Variants in SATB1 observed in about 807,000 individuals in gnomAD.
SATB1 encodes the protein SATB homeobox 1.
In SATB1, 11 loss-of-function variants were observed where a neutral mutation model predicts 86.9. That is an observed-to-expected ratio of 0.13 (90% CI 0.08 to 0.21). The LOEUF (loss-of-function observed/expected upper bound fraction) is 0.21. Ranked by LOEUF, SATB1 falls within the 10% of genes least tolerant of loss-of-function variation. The pLI, the probability that SATB1 is intolerant of heterozygous loss-of-function variation, is 1.00. For missense variants in SATB1, 551 were observed against 937.6 expected, an observed-to-expected ratio of 0.59 and a Z score of 5.39; for synonymous variants, 357 against 357.2, an observed-to-expected ratio of 1.00 and a Z score of 0.01.
intron 8 of SATB1, among the ~76,000 whole-genome samples, chr3:18,385,820 C>T (rs1013326319): frequency 5.3e-5 from 8 of 152,016 alleles, no homozygotes; most frequent in Non-Finnish European, 8.8e-5. Context: ...AACTTTCTTT[C>T]CTAAAAAGTC....
At chr3:18,370,538 AGG>A (rs142402029) in intron 9 of SATB1, among the ~76,000 whole-genome samples, 82 of 124,142 alleles carry the variant, frequency 6.6e-4, no homozygotes, top group Admixed American at 8.0e-4. Context: ...AAAAAAAAAG[AGG>A]AAAAACAAAA....
chr3:18,372,900 C>T (rs1243482700), intron 9 of SATB1, among the ~76,000 whole-genome samples: 1 of 152,168 alleles, frequency 6.6e-6, no homozygotes, highest in Admixed American at 6.5e-5. Context: ...CTGATGAACT[C>T]CACATCCTTC....
rs567107935 is a variant in SATB1, at chr3:18,444,428, G to C, written c.-25+1090C>G. ...ACCCCTCCAAGGTCCGTCTGCGTGAGAAAAGGGGCTCGGAAGACCGTTGAA... is the reference window on the plus strand; with the variant it reads ...ACCCCTCCAAGGTCCGTCTGCGTGACAAAAGGGGCTCGGAAGACCGTTGAA... On this transcript the variant is annotated intron_variant, in intron 1 of 3. Coordinates refer to the SATB1 transcript ENST00000415069. This position sits in a 1 kb window ranked among gnomAD's most constrained non-coding sequence, Gnocchi z 5.1. Among the ~76,000 whole-genome samples, 4 of 152,232 alleles carry C rather than the reference G, an allele frequency of 2.6e-5. No individual in the cohort carries two copies. In the East Asian group the frequency reaches 7.8e-4, roughly 30 times the overall value.
upstream of SATB1, among the ~76,000 whole-genome samples, chr3:18,428,069 T>C (rs1323045863): frequency 6.6e-6 from 1 of 152,216 alleles, no homozygotes; most frequent in African/African-American, 2.4e-5. Flanking sequence ...CTTAGTCTGT[T>C]TTCTGTTCCT....
Position 18,349,618 on chromosome 3 carries a change from T to G in SATB1, c.1844A>C (p.Gln615Pro), listed in dbSNP as rs1405147698. 6.2e-7 allele frequency: 1 copy of G among 1,613,348 alleles called. No homozygotes were observed. The highest frequency in any genetic ancestry group is 8.5e-7 in the Non-Finnish European group (1 of 1,179,964). Residue 615 changes from glutamine (Q) to proline (P), a missense_variant, in exon 11 of 11, where the codon CAG (glutamine) becomes CCG (proline). Gln to Pro is a moderately conservative substitution (Grantham distance 76). This residue lies in a region of SATB1 where 87 missense variants were observed against 103.6 expected (regional missense o/e 0.84). Coordinates refer to ENST00000338745, the MANE Select transcript of SATB1 (RefSeq NM_002971.6). The surrounding 1 kb of genome is among the most constrained non-coding windows in gnomAD (Gnocchi z 5.5). ...QQQAPPPPQP[Q>P]QQPQTGPRLP... ...CCGAGGGCCTGTCTGTGGCTGCTGCTGTGGCTGTGGAGGCGGCGGTGCCTG... is the reference window on the plus strand; with the variant it reads ...CCGAGGGCCTGTCTGTGGCTGCTGCGGTGGCTGTGGAGGCGGCGGTGCCTG...
chr3:18,363,507 G>A (rs190613253), intron 9 of SATB1, among the ~76,000 whole-genome samples: 1 of 152,250 alleles, frequency 6.6e-6, no homozygotes, highest in East Asian at 1.9e-4. Context: ...TCACTCCTCT[G>A]ACCACATTTT....
chr3:18,394,317 C>T lies in SATB1; in HGVS notation c.1206+145G>A. On this transcript the variant is annotated intron_variant, in intron 7 of 10. Transcript: ENST00000338745. The surrounding 1 kb of genome is among the most constrained non-coding windows in gnomAD (Gnocchi z 5.9). ...AGGAAAAGGAGTGGTAAAATTGAGG[C>T]TCCACCAGGAATAGGTAATATGATC... 1.4e-6 allele frequency: 1 copy of T among 703,080 alleles called. No homozygotes were observed. The highest frequency in any genetic ancestry group is 2.4e-6 in the Non-Finnish European group (1 of 421,336). 43.6% of individuals were successfully genotyped at this position (703,080 alleles called of 1,614,324 possible).
upstream of SATB1, among the ~76,000 whole-genome samples, chr3:18,426,903 C>T (rs186322253): frequency 9.9e-5 from 15 of 152,210 alleles, no homozygotes; most frequent in Non-Finnish European, 2.1e-4. The surrounding 1 kb of genome is among the most constrained non-coding windows in gnomAD (Gnocchi z 4.2). Flanking sequence ...AAATGATGGC[C>T]TCCTAGGGGA....
chr3:18,400,008 T>C (rs1003963087), intron 5 of SATB1, among the ~76,000 whole-genome samples: 2 of 152,144 alleles, frequency 1.3e-5, no homozygotes, highest in African/African-American at 4.8e-5. Flanking sequence ...CCGGTTTCAA[T>C]GGCAGGAAAG....
chr3:18,357,386 G>A (rs1694697799), intron 9 of SATB1, among the ~76,000 whole-genome samples: 1 of 151,706 alleles, frequency 6.6e-6, no homozygotes, highest in African/African-American at 2.4e-5. Flanking sequence ...ACTACACCAG[G>A]CATTTGAATG....
chr3:18,384,285 C>T (rs1215728793), intron 8 of SATB1, among the ~76,000 whole-genome samples: 1 of 152,124 alleles, frequency 6.6e-6, no homozygotes, highest in East Asian at 1.9e-4. Flanking sequence ...ATCTTAACAG[C>T]ATATGAAAAG....
At chr3:18,437,027 G>C (rs1225104469) in intron 1 of SATB1, among the ~76,000 whole-genome samples, 6 of 152,150 alleles carry the variant, frequency 3.9e-5, no homozygotes, top group African/African-American at 7.2e-5. Flanking sequence ...TTGAGATTTA[G>C]ACAATGAAAT....
At chr3:18,390,174 C>T (rs1395292557) in intron 7 of SATB1, among the ~76,000 whole-genome samples, 1 of 152,072 alleles carries the variant, frequency 6.6e-6, no homozygotes, top group Non-Finnish European at 1.5e-5. Flanking sequence ...AAAGAGACTG[C>T]CAATCTGAAC....
At chr3:18,381,972 T>G (rs565516259) in intron 8 of SATB1, among the ~76,000 whole-genome samples, 1 of 152,294 alleles carries the variant, frequency 6.6e-6, no homozygotes, top group East Asian at 1.9e-4. Context: ...AAGACGACAA[T>G]TAATGGGATG....
At chr3:18,379,470 A>G (rs1346543157) in intron 8 of SATB1, among the ~76,000 whole-genome samples, 1 of 152,214 alleles carries the variant, frequency 6.6e-6, no homozygotes, top group Non-Finnish European at 1.5e-5. Flanking sequence ...GAAACTTACC[A>G]TCCTGGACAA....
Position 18,399,458 on chromosome 3 carries a change from C to T in SATB1, c.640-2168G>A, listed in dbSNP as rs1030485483. ...TCAACAGTGGAAAATGTATAGGGGA[C>T]GACGGAAGGAAGAATCATCCATGGT... is the stretch of plus-strand genomic sequence containing the variant. On this transcript the variant is annotated intron_variant, in intron 5 of 10. Coordinates refer to ENST00000338745, the MANE Select transcript of SATB1 (RefSeq NM_002971.6). Among the ~76,000 whole-genome samples, 11 of 151,900 alleles carry T rather than the reference C, an allele frequency of 7.2e-5. 1 individual carries two copies. Among genetic ancestry groups the T allele is most frequent in the Admixed American group, 2.6e-4 (4 of 15,236 alleles).
upstream of SATB1, among the ~76,000 whole-genome samples, chr3:18,429,109 G>GT (rs1314987254): frequency 6.6e-6 from 1 of 151,838 alleles, no homozygotes; most frequent in Non-Finnish European, 1.5e-5. This position sits in a 1 kb window ranked among gnomAD's most constrained non-coding sequence, Gnocchi z 4.1. Context: ...TCAACTCTTT[G>GT]TTTTTTGGCT....
intron 9 of SATB1, among the ~76,000 whole-genome samples, chr3:18,374,749 G>C (rs146379150): frequency 3.4e-3 from 511 of 152,256 alleles, no homozygotes; most frequent in South Asian, 0.016. Context: ...TGCAGAGCAC[G>C]CTTTACCTTT....
At chr3:18,370,514 G>GA (rs1559407361) in intron 9 of SATB1, among the ~76,000 whole-genome samples, 276 of 13,036 alleles carry the variant, frequency 0.021, 5 homozygotes, top group Non-Finnish European at 0.032. Flanking sequence ...ACTGAGAGAG[G>GA]CAAAAAAAAA....
Sources: gnomAD v4.1 joint callset for allele counts (sites outside exome capture counted in the v4.1 genomes callset) on GRCh38, gnomAD v4.1.1 for gene constraint, gnomAD v4.1.1 regional missense constraint, Gnocchi (gnomAD v3.1) non-coding constraint, MANE v1.5 for transcripts, NCBI Gene and HGNC (gene_info 2026-07-23, HGNC 2026-07-21) for gene names.